The following TNFSF13 variants were observed in gnomAD, a reference collection of about 807,000 sequenced individuals.
The protein encoded by TNFSF13 is TNF superfamily member 13, also known as tumor necrosis factor ligand superfamily member 13.
Under a neutral mutation model 30.7 loss-of-function variants are expected in TNFSF13, and 18 were observed. The observed-to-expected ratio is 0.59, with a 90% CI of 0.41 to 0.87. The LOEUF (loss-of-function observed/expected upper bound fraction) is 0.87. Ranked by LOEUF, TNFSF13 falls within the 40% of genes least tolerant of loss-of-function variation. The pLI is 0.00. For synonymous variants in TNFSF13, 116 were observed against 123.2 expected (o/e 0.94, Z 0.39); for missense variants, 286 against 308.8 (o/e 0.93, Z 0.55).
In TNFSF13 at chr17:7,561,158, A is replaced by C; in HGVS notation, c.*325A>C. On this transcript the variant is annotated 3_prime_UTR_variant, in exon 6 of 6. Transcript: ENST00000338784. This position sits in a 1 kb window ranked among gnomAD's most constrained non-coding sequence, Gnocchi z 4.4. ...AGCACCACCATCTAGCGGCCGCTCGAGGGAAGCACCCGCCGGTTGGCCGAA... is the reference window on the plus strand; with the variant it reads ...AGCACCACCATCTAGCGGCCGCTCGCGGGAAGCACCCGCCGGTTGGCCGAA... 1 of 1,286,218 alleles carries C rather than the reference A, an allele frequency of 7.8e-7. No homozygotes were observed. Among genetic ancestry groups the C allele is most frequent in the Non-Finnish European group, 1.1e-6 (1 of 924,550 alleles). 79.7% of individuals were successfully genotyped at this position (1,286,218 alleles called of 1,614,324 possible).
chr17:7,559,823 A>C lies in TNFSF13; in HGVS notation c.338-23A>C, dbSNP rs1567724821. ...CAACGGGGGAAAGTGGATGCGGCTG[A>C]GATTCCCTCCTTCTCTCCTCAGAGC... On this transcript the variant is annotated intron_variant, in intron 2 of 5. Coordinates refer to ENST00000338784, the MANE Select transcript of TNFSF13 (RefSeq NM_003808.4). The surrounding 1 kb of genome is among the most constrained non-coding windows in gnomAD (Gnocchi z 5.4). 1.2e-6 allele frequency: 2 copies of C among 1,614,082 alleles called. No homozygotes were observed. Among genetic ancestry groups the C allele is most frequent in the Non-Finnish European group, 1.7e-6 (2 of 1,180,006 alleles).
At position 7,559,649 on chromosome 17, in the gene TNFSF13, A is replaced by T; in HGVS notation, c.284A>T (p.Glu95Val). The change falls in exon 2 of 6, where the codon GAG (glutamate) becomes GTG (valine). Residue 95 changes from glutamate to valine, a missense_variant. Transcript: ENST00000338784. This position sits in a 1 kb window ranked among gnomAD's most constrained non-coding sequence, Gnocchi z 5.4. Reference protein sequence around the residue: ...EQSSDALEAWENGERSRKRRA... With the variant: ...EQSSDALEAWVNGERSRKRRA... ...AGTTCCGATGCCCTGGAAGCCTGGG[A>T]GAATGGGGAGAGATCCCGGAAAAGG... 1 of 1,613,510 alleles carries T rather than the reference A, an allele frequency of 6.2e-7. No homozygotes were observed. The highest frequency in any genetic ancestry group is 8.5e-7 in the Non-Finnish European group (1 of 1,179,894).
In TNFSF13 at chr17:7,560,976, C is replaced by T; in HGVS notation, c.*143C>T. The T allele has an allele frequency of 6.2e-7, 1 of 1,614,188 alleles. No homozygotes were observed. Among genetic ancestry groups the T allele is most frequent in the Non-Finnish European group, 8.5e-7 (1 of 1,180,024 alleles). On this transcript the variant is annotated 3_prime_UTR_variant, in exon 6 of 6. Transcript: ENST00000338784. ...GTTTGGCTCCCCGTTCCTCACTTTTCCCTTTTCATTCCCACCCCCTAGACT... is the reference window on the plus strand; with the variant it reads ...GTTTGGCTCCCCGTTCCTCACTTTTTCCTTTTCATTCCCACCCCCTAGACT...
chr17:7,559,941 AACTC>A lies in TNFSF13; in HGVS notation c.385+49_385+52del. ...GCTTTGGGGAGGGGCAATAACCAGG[AACTC>A]GGGCTGGCACTTGGGCTCAAGGGGT... On this transcript the variant is annotated intron_variant, in intron 3 of 5. Transcript: ENST00000338784. The surrounding 1 kb of genome is among the most constrained non-coding windows in gnomAD (Gnocchi z 5.4). The A allele has an allele frequency of 6.2e-7, 1 of 1,614,068 alleles. No individual in the cohort carries two copies. Among genetic ancestry groups the A allele is most frequent in the South Asian group, 1.1e-5 (1 of 91,082 alleles).
chr17:7,558,886 C>T lies in TNFSF13; in HGVS notation c.-154C>T, dbSNP rs1421745903. On this transcript the variant is annotated 5_prime_UTR_variant, in exon 1 of 6. Coordinates refer to ENST00000338784, the MANE Select transcript of TNFSF13 (RefSeq NM_003808.4). The surrounding 1 kb of genome is among the most constrained non-coding windows in gnomAD (Gnocchi z 4.3). ...ACTAACAGTACCCTTAGCTTGCTTT[C>T]CTCCTCCCTCCTTTTTATTTTCAAG... is the stretch of plus-strand genomic sequence containing the variant. 1.1e-6 allele frequency: 1 copy of T among 938,424 alleles called. No individual in the cohort carries two copies. Among genetic ancestry groups the T allele is most frequent in the African/African-American group, 1.7e-5 (1 of 59,406 alleles). The allele number at this position is 938,424 out of a possible 1,614,324, so 58.1% of individuals were successfully genotyped here. A position where few individuals can be genotyped will look rare whatever the true frequency, so the allele number is the denominator to read the frequency against.
rs756885230 is a variant in TNFSF13, at chr17:7,560,147, G to C, written c.484G>C (p.Val162Leu). 4 of 1,614,048 alleles carry C rather than the reference G, an allele frequency of 2.5e-6. No individual in the cohort carries two copies. The African/African-American group carries it at 5.3e-5, about 22-fold the overall frequency. The stretch of plus-strand genomic sequence containing the variant: ...TGGTGTCCGAATCCAGGATGCTGGA[G>C]TTTATCTGCTGTATAGCCAGGTAAC... ...GYGVRIQDAG[V>L]YLLYSQVLFQ... The change falls in exon 4 of 6, where the codon GTT becomes CTT. Residue 162 changes from valine (V) to leucine (L), a missense_variant. By Grantham distance (32) the Val-to-Leu change is conservative (BLOSUM62 1). Coordinates refer to ENST00000338784, the MANE Select transcript of TNFSF13 (RefSeq NM_003808.4).
In TNFSF13 at chr17:7,559,274, C is replaced by A; in HGVS notation, c.235C>A (p.Pro79Thr). 5 of 1,607,044 alleles carry A rather than the reference C, an allele frequency of 3.1e-6. No individual in the cohort carries two copies. The highest frequency in any genetic ancestry group is 4.2e-6 in the Non-Finnish European group (5 of 1,177,636). ...GGPSQNGEGYPWQSLPEQSSD... is the reference protein window; with the variant it reads ...GGPSQNGEGYTWQSLPEQSSD... ...CCCCTCCCAGAATGGGGAAGGGTATCCCTGGCAGAGTCTCCCGGAGCAGGT... is the reference window on the plus strand; with the variant it reads ...CCCCTCCCAGAATGGGGAAGGGTATACCTGGCAGAGTCTCCCGGAGCAGGT... The change falls in exon 1 of 6, where the codon CCC (proline) becomes ACC (threonine). Residue 79 changes from proline to threonine, a missense_variant. Coordinates refer to ENST00000338784, the MANE Select transcript of TNFSF13 (RefSeq NM_003808.4). This position sits in a 1 kb window ranked among gnomAD's most constrained non-coding sequence, Gnocchi z 5.4.
chr17:7,560,332 A>G lies in TNFSF13; in HGVS notation c.505-18A>G, dbSNP rs2071168517. 4.3e-6 allele frequency: 7 copies of G among 1,612,722 alleles called. No individual in the cohort carries two copies. Among genetic ancestry groups the G allele is most frequent in the Non-Finnish European group, 5.9e-6 (7 of 1,179,632 alleles). ...GCCAGGCCATCCTGTTTTCTTCAACATCTCCCTTCCCTGCCAGGTCCTGTT... is the reference window on the plus strand; with the variant it reads ...GCCAGGCCATCCTGTTTTCTTCAACGTCTCCCTTCCCTGCCAGGTCCTGTT... On this transcript the variant is annotated intron_variant, in intron 4 of 5. Coordinates refer to ENST00000338784, the MANE Select transcript of TNFSF13 (RefSeq NM_003808.4).
Position 7,560,850 on chromosome 17 carries a change from G to T in TNFSF13, c.*17G>T, listed in dbSNP as rs373583241. The T allele has an allele frequency of 2.4e-4, 386 of 1,613,660 alleles. No individual in the cohort carries two copies. The highest frequency in any genetic ancestry group is 3.1e-4 in the Non-Finnish European group (370 of 1,179,752). Reference sequence around the variant, plus strand: ...AAACTGTGATTGTGTTATAAAAAGTGGCTCCCAGCTTGGAAGACCAGGGTG... The same window carrying T: ...AAACTGTGATTGTGTTATAAAAAGTTGCTCCCAGCTTGGAAGACCAGGGTG... On this transcript the variant is annotated 3_prime_UTR_variant, in exon 6 of 6. Coordinates refer to ENST00000338784, the MANE Select transcript of TNFSF13 (RefSeq NM_003808.4).
chr17:7,561,347 A>C lies in TNFSF13; in HGVS notation c.*514A>C. On this transcript the variant is annotated 3_prime_UTR_variant, in exon 6 of 6. Coordinates refer to ENST00000338784, the MANE Select transcript of TNFSF13 (RefSeq NM_003808.4). The surrounding 1 kb of genome is among the most constrained non-coding windows in gnomAD (Gnocchi z 4.4). ...CACTATCTCCAGAGATGTAGCTATT[A>C]TGCGCCCGTCTACAGGGGGTGCCCG... The C allele has an allele frequency of 3.0e-6, 1 of 332,312 alleles. No homozygotes were observed. Among genetic ancestry groups the C allele is most frequent in the Non-Finnish European group, 5.7e-6 (1 of 176,970 alleles). The allele number at this position is 332,312 out of a possible 1,614,324, so 20.6% of individuals were successfully genotyped here.
Position 7,561,174 on chromosome 17 carries a change from G to A in TNFSF13, c.*341G>A. 9.2e-7 allele frequency: 1 copy of A among 1,090,172 alleles called. No individual in the cohort carries two copies. Among genetic ancestry groups the A allele is most frequent in the Non-Finnish European group, 1.3e-6 (1 of 749,012 alleles). 67.5% of individuals were successfully genotyped at this position (1,090,172 alleles called of 1,614,324 possible). ...GGCCGCTCGAGGGAAGCACCCGCCGGTTGGCCGAAGTCCACGAAGCCGCCC... is the reference window on the plus strand; with the variant it reads ...GGCCGCTCGAGGGAAGCACCCGCCGATTGGCCGAAGTCCACGAAGCCGCCC... On this transcript the variant is annotated 3_prime_UTR_variant, in exon 6 of 6. Transcript: ENST00000338784. This position sits in a 1 kb window ranked among gnomAD's most constrained non-coding sequence, Gnocchi z 4.4.
rs376426219 is a variant in TNFSF13, at chr17:7,559,180, T to C, written c.141T>C (p.Ala47=). The change falls in exon 1 of 6, where the codon GCT becomes GCC. Residue 47 remains alanine, a synonymous_variant. Coordinates refer to ENST00000338784, the MANE Select transcript of TNFSF13 (RefSeq NM_003808.4). This position sits in a 1 kb window ranked among gnomAD's most constrained non-coding sequence, Gnocchi z 5.4. ...AALGAVACAM[A]LLTQQTELQS... is the part of the protein sequence containing the mutation. The stretch of plus-strand genomic sequence containing the variant: ...TGGGGGCCGTGGCTTGTGCCATGGC[T>C]CTGCTGACCCAACAAACAGAGCTGC... 3.6e-4 allele frequency: 576 copies of C among 1,612,718 alleles called. 1 individual carries two copies. Among genetic ancestry groups the C allele is most frequent in the Non-Finnish European group, 4.6e-4 (544 of 1,179,688 alleles).
Position 7,560,400 on chromosome 17 carries a change from A to C in TNFSF13, c.555A>C (p.Glu185Asp). The change falls in exon 5 of 6, where the codon GAA (glutamate) becomes GAC (aspartate). Residue 185 changes from glutamate to aspartate, a missense_variant. Physicochemically the swap from Glu to Asp is conservative, Grantham distance 45. Coordinates refer to ENST00000338784, the MANE Select transcript of TNFSF13 (RefSeq NM_003808.4). ...TFTMGQVVSREGQGRQETLFR... is the reference protein window; with the variant it reads ...TFTMGQVVSRDGQGRQETLFR... ...CCATGGGTCAGGTGGTGTCTCGAGA[A>C]GGCCAAGGAAGGCAGGAGACTCTAT... 1 of 1,614,180 alleles carries C rather than the reference A, an allele frequency of 6.2e-7. No individual in the cohort carries two copies. The highest frequency in any genetic ancestry group is 1.1e-5 in the South Asian group (1 of 91,086).
Position 7,559,122 on chromosome 17 carries a change from C to T in TNFSF13, c.83C>T (p.Ser28Leu). The T allele has an allele frequency of 1.2e-6, 2 of 1,608,366 alleles. No individual in the cohort carries two copies. Among genetic ancestry groups the T allele is most frequent in the East Asian group, 2.2e-5 (1 of 44,664 alleles). The change falls in exon 1 of 6, where the codon TCA (serine) becomes TTA (leucine). Residue 28 changes from serine to leucine, a missense_variant. Ser to Leu is a moderately radical substitution (Grantham distance 145, BLOSUM62 -2). Coordinates refer to ENST00000338784, the MANE Select transcript of TNFSF13 (RefSeq NM_003808.4). The surrounding 1 kb of genome is among the most constrained non-coding windows in gnomAD (Gnocchi z 5.4). ...GGCCCAGTCAGAGAGCCGGCACTCT[C>T]AGTTGCCCTCTGGTTGAGTTGGGGG... ...MGGPVREPAL[S>L]VALWLSWGAA...
chr17:7,559,980 TGAAAG>T lies in TNFSF13; in HGVS notation c.386-67_386-63del. 5.6e-6 allele frequency: 9 copies of T among 1,613,480 alleles called. No homozygotes were observed. Among genetic ancestry groups the T allele is most frequent in the Admixed American group, 1.7e-5 (1 of 59,966 alleles). On this transcript the variant is annotated intron_variant, in intron 3 of 5. Transcript: ENST00000338784. The surrounding 1 kb of genome is among the most constrained non-coding windows in gnomAD (Gnocchi z 5.4). ...CTTGGGCTCAAGGGGTCCTTATAGGTGAAAGGGAAAGAACCAAAAAGCACCTGAGA... is the reference window on the plus strand; with the variant it reads ...CTTGGGCTCAAGGGGTCCTTATAGGTGGAAAGAACCAAAAAGCACCTGAGA...
rs143094271 is a variant in TNFSF13, at chr17:7,559,785, G to A, written c.338-61G>A. 28,751 of 1,614,022 alleles carry A rather than the reference G, an allele frequency of 0.018. 312 individuals are homozygous for A. The highest frequency in any genetic ancestry group is 0.022 in the Non-Finnish European group (25,473 of 1,179,976). ...AGCCCGAGTCAGGGTGAGGGTGGAG[G>A]CTGCCAACAGCACAACGGGGGAAAG... On this transcript the variant is annotated intron_variant, in intron 2 of 5. Coordinates refer to ENST00000338784, the MANE Select transcript of TNFSF13 (RefSeq NM_003808.4). The surrounding 1 kb of genome is among the most constrained non-coding windows in gnomAD (Gnocchi z 5.4).
rs762947674 is a variant in TNFSF13 at position 7,559,700 on chromosome 17, A to G, written c.335A>G (p.Lys112Arg). 1.2e-6 allele frequency: 2 copies of G among 1,613,878 alleles called. No homozygotes were observed. Among genetic ancestry groups the G allele is most frequent in the Admixed American group, 3.3e-5 (2 of 59,996 alleles). The part of the protein sequence containing the change: ...KRRAVLTQKQ[K>R]KQHSVLHLVP... ...AGAGCAGTGCTCACCCAAAAACAGA[A>G]GAGTGAGGCTTCCAGGGTGCAGCAG... Residue 112 changes from lysine (K) to arginine (R), a missense_variant and splice_region_variant, in exon 2 of 6, where the codon AAG becomes AGG. Transcript: ENST00000338784. This position sits in a 1 kb window ranked among gnomAD's most constrained non-coding sequence, Gnocchi z 5.4.
chr17:7,561,085 CCAGG>C lies in TNFSF13; in HGVS notation c.*255_*258del. On this transcript the variant is annotated 3_prime_UTR_variant, in exon 6 of 6. Transcript: ENST00000338784. The surrounding 1 kb of genome is among the most constrained non-coding windows in gnomAD (Gnocchi z 4.4). The stretch of plus-strand genomic sequence containing the variant: ...GTAGATGAGGGGCGGGGGACGGGCG[CCAGG>C]CATTGTCCAGACCTGGTCGGGGCCC... The C allele has an allele frequency of 6.3e-7, 1 of 1,596,698 alleles. No homozygotes were observed. Among genetic ancestry groups the C allele is most frequent in the Non-Finnish European group, 8.5e-7 (1 of 1,169,958 alleles).
intron 4 of TNFSF13, 89 bp from the exon 5 acceptor site, chr17:7,560,261 C>A (rs2071165176): frequency 2.5e-6 from 4 of 1,610,574 alleles, no homozygotes; most frequent in East Asian, 2.2e-5. Flanking sequence ...CCCAGCAGAC[C>A]CTTCTTTCTT....
Sources: gnomAD v4.1 joint callset for allele counts on GRCh38, gnomAD v4.1.1 for gene constraint, Gnocchi (gnomAD v3.1) non-coding constraint, MANE v1.5 for transcripts, NCBI Gene and HGNC (gene_info 2026-07-23, HGNC 2026-07-21) for gene names.